ATG4D: variants seen among roughly 807,000 people sequenced by gnomAD.
ATG4D encodes autophagy related 4D cysteine peptidase, also known as cysteine protease ATG4D.
A neutral mutation model predicts 55.2 loss-of-function variants in ATG4D; 51 were observed. The ratio of observed to expected loss-of-function variants is 0.92; its 90% confidence interval spans 0.74 to 1.17. ATG4D has a LOEUF of 1.17. Ranked by LOEUF, ATG4D falls within the 50% of genes most tolerant of loss-of-function variation. The pLI, the probability that ATG4D is intolerant of heterozygous loss-of-function variation, is 0.00. For synonymous variants in ATG4D, 268 were observed against 266.2 expected, an observed-to-expected ratio of 1.01 and a Z score of -0.07; for missense variants, 635 against 649.6, an observed-to-expected ratio of 0.98 and a Z score of 0.25.
rs369002764 is a variant in ATG4D at position 10,552,219 on chromosome 19, C to T, written c.1137C>T (p.Thr379=). ...GTCTGCCCCAGTCCTTCCACTGCAC[C>T]TCGCCCCGCAAGATGGCCTTTGCCA... is the stretch of plus-strand genomic sequence containing the variant. ...ADFPLESFHC[T]SPRKMAFAKM... is the part of the protein sequence containing the mutation. The change falls in exon 9 of 10, where the codon ACC becomes ACT. Residue 379 remains threonine, a synonymous_variant. Coordinates refer to ENST00000309469, the MANE Select transcript of ATG4D (RefSeq NM_032885.6). 2 of 1,612,900 alleles carry T rather than the reference C, an allele frequency of 1.2e-6. No individual in the cohort carries two copies. The highest frequency in any genetic ancestry group is 1.3e-5 in the African/African-American group (1 of 74,906).
At chr19:10,546,487 A>G (rs1189990518) in intron 3 of ATG4D, among the ~76,000 whole-genome samples, 1 of 151,120 alleles carries the variant, frequency 6.6e-6, no homozygotes, top group Non-Finnish European at 1.5e-5. Context: ...CTGGGATTAC[A>G]GGTGCCCGCC....
intron 9 of ATG4D, 76 bp downstream of exon 9, chr19:10,552,400 T>C: frequency 6.6e-7 from 1 of 1,515,890 alleles, no homozygotes; most frequent in Non-Finnish European, 8.8e-7. Flanking sequence ...AACAGAGGCC[T>C]CGAGTCCAGC....
chr19:10,546,367 A>T (rs1288847342), intron 3 of ATG4D, among the ~76,000 whole-genome samples: 1 of 148,840 alleles, frequency 6.7e-6, no homozygotes, highest in Admixed American at 6.7e-5. Context: ...TTTTTTTGAG[A>T]CTGAGTCTTC....
In ATG4D at chr19:10,552,987, C is replaced by T. The variant is rs769137127; in HGVS notation, c.1345C>T (p.Gln449Ter). Residue 449 changes from glutamine (Q) to a stop codon, truncating the protein, a stop_gained, in exon 10 of 10, where the codon CAG (glutamine) becomes TAG (stop). Transcript: ENST00000309469. LOFTEE classifies it high-confidence loss of function. ...GGACGACCTCTGCTCCCAGCTCGCC[C>T]AGCCCACACTCCGGCTCCCTCGCAC... ...SLDDLCSQLA[Q>*]PTLRLPRTGR... The T allele has an allele frequency of 2.1e-5, 34 of 1,613,494 alleles. No homozygotes were observed. Among genetic ancestry groups the T allele is most frequent in the Non-Finnish European group, 2.8e-5 (33 of 1,180,016 alleles).
chr19:10,548,430 G>C (rs1229385542), intron 5 of ATG4D, among the ~76,000 whole-genome samples: 1 of 152,118 alleles, frequency 6.6e-6, no homozygotes, highest in Non-Finnish European at 1.5e-5. Context: ...TACTTCTCTA[G>C]GAGCACAAAA....
Position 10,553,160 on chromosome 19 carries a change from T to A in ATG4D, c.*93T>A. ...TCTTGAGCTCTGGCAGTGATGATGG[T>A]ACTTCCTGTTGTCAGCCCCTCAAGC... On this transcript the variant is annotated 3_prime_UTR_variant, in exon 10 of 10. Coordinates refer to ENST00000309469, the MANE Select transcript of ATG4D (RefSeq NM_032885.6). 1 of 1,413,964 alleles carries A rather than the reference T, an allele frequency of 7.1e-7. No homozygotes were observed. Among genetic ancestry groups the A allele is most frequent in the Non-Finnish European group, 9.4e-7 (1 of 1,065,196 alleles). The allele number at this position is 1,413,964 out of a possible 1,614,324, so 87.6% of individuals were successfully genotyped here.
intron 3 of ATG4D, among the ~76,000 whole-genome samples, chr19:10,546,355 T>A (rs142479055): frequency 0.014 from 2,060 of 151,138 alleles, 36 homozygotes; most frequent in African/African-American, 0.042. Context: ...TATTATTATT[T>A]TTTTTTTTGA....
At chr19:10,548,854 G>A (rs1299409601) in intron 5 of ATG4D, 50 bp from the exon 6 acceptor site, 2 of 1,597,310 alleles carry the variant, frequency 1.3e-6, no homozygotes, top group Non-Finnish European at 1.7e-6. Context: ...GGCTACGCTG[G>A]GGCTTGAAGG....
At chr19:10,545,456 C>G (rs1338956688) in intron 3 of ATG4D, among the ~76,000 whole-genome samples, 1 of 151,200 alleles carries the variant, frequency 6.6e-6, no homozygotes, top group Non-Finnish European at 1.5e-5. Context: ...CCTGTAATCC[C>G]AGCTACTCCC....
chr19:10,548,833 TG>T, intron 5 of ATG4D, 70 bp from the exon 6 acceptor site: 1 of 1,561,332 alleles, frequency 6.4e-7, no homozygotes, highest in African/African-American at 1.4e-5. Context: ...GTTGAGCCCC[TG>T]GGGTTAGAGG....
In ATG4D at chr19:10,553,052, C is replaced by A; in HGVS notation, c.1410C>A (p.Asp470Glu). The change falls in exon 10 of 10, where the codon GAC (aspartate) becomes GAA (glutamate). Residue 470 changes from aspartate to glutamate, a missense_variant. Coordinates refer to ENST00000309469, the MANE Select transcript of ATG4D (RefSeq NM_032885.6). Reference sequence around the variant, plus strand: ...GGGCCAAACGCCCCAGCTCTGAGGACTTTGTGTTTTTATAAAGGGAGGGGA... The same window carrying A: ...GGGCCAAACGCCCCAGCTCTGAGGAATTTGTGTTTTTATAAAGGGAGGGGA... Reference protein sequence around the residue: ...LLRAKRPSSEDFVFL With the variant: ...LLRAKRPSSEEFVFL The A allele has an allele frequency of 6.2e-7, 1 of 1,601,028 alleles. No individual in the cohort carries two copies.
intron 6 of ATG4D, among the ~76,000 whole-genome samples, chr19:10,550,524 G>A (rs545638813): frequency 3.4e-4 from 51 of 152,064 alleles, no homozygotes; most frequent in African/African-American, 8.9e-4. Context: ...CACAGAGCCC[G>A]GCACTATTTG....
chr19:10,544,729 T>C, intron 1 of ATG4D, 54 bp from the exon 2 acceptor site: 1 of 1,608,294 alleles, frequency 6.2e-7, no homozygotes, highest in Non-Finnish European at 8.5e-7. Flanking sequence ...GGAAGCGCTG[T>C]TGCTGTCATG....
At chr19:10,549,775 G>A (rs756567651) in intron 6 of ATG4D, among the ~76,000 whole-genome samples, 14 of 152,096 alleles carry the variant, frequency 9.2e-5, no homozygotes, top group South Asian at 6.2e-4. Context: ...CCACTGTCCC[G>A]ACTGCTGGGG....
chr19:10,552,866 G>C lies in ATG4D; in HGVS notation c.1243-19G>C, dbSNP rs1916328612. On this transcript the variant is annotated intron_variant, in intron 9 of 9. Coordinates refer to ENST00000309469, the MANE Select transcript of ATG4D (RefSeq NM_032885.6). ...CTTGGCACTGTTTGTGGCTGACCCT[G>C]TCTCCCTCTTCCCGCCAGGTCCTCA... The C allele has an allele frequency of 6.3e-7, 1 of 1,595,734 alleles. No individual in the cohort carries two copies. The highest frequency in any genetic ancestry group is 1.3e-5 in the African/African-American group (1 of 74,240).
At position 10,544,836 on chromosome 19, in the gene ATG4D, T is replaced by G; in HGVS notation, c.289T>G (p.Cys97Gly). ...SFSKISSIHLCGRRYRFEGEG... is the reference protein window; with the variant it reads ...SFSKISSIHLGGRRYRFEGEG... ...TAGCAAGATCTCCAGCATCCACCTC[T>G]GTGGCCGCCGCTACCGTTTCGAGGG... The change falls in exon 2 of 10, where the codon TGT becomes GGT. Residue 97 changes from cysteine (C) to glycine (G), a missense_variant. Transcript: ENST00000309469. The G allele has an allele frequency of 6.2e-7, 1 of 1,613,398 alleles. No homozygotes were observed. Among genetic ancestry groups the G allele is most frequent in the Non-Finnish European group, 8.5e-7 (1 of 1,179,584 alleles).
Position 10,551,557 on chromosome 19 carries a change from G to A in ATG4D, c.967-340G>A, listed in dbSNP as rs1459991446. ...TACTAAAAATACAAAAAATTAACCC[G>A]GGTGTGGTGGCGGGTGCCTGTAATC... On this transcript the variant is annotated intron_variant, in intron 6 of 9. Coordinates refer to ENST00000309469, the MANE Select transcript of ATG4D (RefSeq NM_032885.6). 5.3e-5 allele frequency among the ~76,000 whole-genome samples: 8 copies of A among 152,012 alleles called. No homozygotes were observed. In the South Asian group the frequency reaches 1.0e-3, roughly 20 times the overall value.
At position 10,544,200 on chromosome 19, in the gene ATG4D, A is replaced by G; in HGVS notation, c.110A>G (p.Asn37Ser). The change falls in exon 1 of 10, where the codon AAC (asparagine) becomes AGC (serine). Residue 37 changes from asparagine to serine, a missense_variant. Transcript: ENST00000309469. ...RPRGPRGPDP[N>S]GLGPSGASGP... is the part of the protein sequence containing the mutation. ...CGGGGTCCCAGAGGCCCAGACCCCA[A>G]CGGCCTGGGGCCTTCCGGAGCCAGC... is the stretch of plus-strand genomic sequence containing the variant. 2 of 1,249,412 alleles carry G rather than the reference A, an allele frequency of 1.6e-6. No individual in the cohort carries two copies. The highest frequency in any genetic ancestry group is 4.2e-5 in the Admixed American group (1 of 23,738). The allele number at this position is 1,249,412 out of a possible 1,614,324, so 77.4% of individuals were successfully genotyped here.
chr19:10,547,252 A>G lies in ATG4D; in HGVS notation c.834A>G (p.Thr278=). 1 of 1,613,208 alleles carries G rather than the reference A, an allele frequency of 6.2e-7. No homozygotes were observed. Among genetic ancestry groups the G allele is most frequent in the Non-Finnish European group, 8.5e-7 (1 of 1,179,434 alleles). ...RLVVYVSQDC[T]VYKADVARLV... The stretch of plus-strand genomic sequence containing the variant: ...TGGTGTACGTTTCTCAGGACTGCAC[A>G]GGTAAGGGGCTGGGAGCCAAGATCA... The change falls in exon 5 of 10, where the codon ACA becomes ACG. Residue 278 remains threonine (T), a splice_region_variant and synonymous_variant. Transcript: ENST00000309469.
Sources: gnomAD v4.1 joint callset for allele counts (sites outside exome capture counted in the v4.1 genomes callset) on GRCh38, gnomAD v4.1.1 for gene constraint, MANE v1.5 for transcripts, NCBI Gene and HGNC (gene_info 2026-07-23, HGNC 2026-07-21) for gene names.